The following PCDHA1 variants were observed in gnomAD, a reference collection of about 807,000 sequenced individuals.
PCDHA1 encodes the protein protocadherin alpha-1.
In PCDHA1, 42 loss-of-function variants were observed where a neutral mutation model predicts 61.3. The observed-to-expected ratio is 0.69, with a 90% CI of 0.54 to 0.89. The LOEUF (loss-of-function observed/expected upper bound fraction) is 0.89, where lower values mean the gene tolerates loss of function less well. Among genes scored for constraint, PCDHA1 ranks in the 40% least tolerant of loss-of-function variants. The pLI is 0.00. For missense variants in PCDHA1, 1,256 were observed against 1,235.3 expected (o/e 1.02, Z -0.25); for synonymous variants, 610 against 553.8 (o/e 1.10, Z -1.43).
chr5:140,818,382 A>T (rs1393215714), intron 1 of PCDHA1, among the ~76,000 whole-genome samples: 1 of 152,174 alleles, frequency 6.6e-6, no homozygotes, highest in Non-Finnish European at 1.5e-5. Flanking sequence ...GAATCGTGGC[A>T]TTTTTCCATT....
At chr5:140,828,935 A>G in intron 1 of PCDHA1, 1 of 1,614,238 alleles carries the variant, frequency 6.2e-7, no homozygotes, top group Non-Finnish European at 8.5e-7. Flanking sequence ...ATATTCTTTT[A>G]ATAGCCTTGT....
chr5:140,856,238 C>T lies in PCDHA1; in HGVS notation c.2394+67554C>T, dbSNP rs1250461159. On this transcript the variant is annotated intron_variant, in intron 1 of 3. Transcript: ENST00000504120. ...GGCGGAGCTGGTGCAGCGCCTGTTC[C>T]GGGTGGCGTCCAAAAGACACGGGGA... The T allele has an allele frequency of 5.6e-6, 9 of 1,597,934 alleles. 1 individual carries two copies. Among genetic ancestry groups the T allele is most frequent in the Non-Finnish European group, 7.7e-6 (9 of 1,167,850 alleles).
At chr5:140,883,744 C>T (rs782708384) in intron 1 of PCDHA1, 1 of 1,613,374 alleles carries the variant, frequency 6.2e-7, no homozygotes, top group South Asian at 1.1e-5. Flanking sequence ...TGGTCTCCTA[C>T]TCGCTGGTGG....
At chr5:140,843,915 T>C in intron 1 of PCDHA1, 1 of 619,744 alleles carries the variant, frequency 1.6e-6, no homozygotes, top group East Asian at 2.9e-5. Flanking sequence ...GTTGGGTCTA[T>C]CTTGAAACTC....
intron 1 of PCDHA1, among the ~76,000 whole-genome samples, chr5:140,903,075 C>T (rs2069986128): frequency 6.6e-6 from 1 of 152,114 alleles, no homozygotes; most frequent in Non-Finnish European, 1.5e-5. Flanking sequence ...TGGGTAGATA[C>T]CTGATAGTGG....
At chr5:140,877,149 C>T in intron 1 of PCDHA1, 5 of 1,613,766 alleles carry the variant, frequency 3.1e-6, no homozygotes, top group Non-Finnish European at 4.2e-6. Flanking sequence ...TGGACGAGAA[C>T]GACAACGCGC....
chr5:140,987,904 G>A (rs115515462), intron 3 of PCDHA1, among the ~76,000 whole-genome samples: 1 of 151,734 alleles, frequency 6.6e-6, no homozygotes, highest in African/African-American at 2.4e-5. Context: ...TTTTATATGG[G>A]GATTTATATT....
chr5:140,802,825 C>G (rs374629500), intron 1 of PCDHA1: 13 of 1,613,472 alleles, frequency 8.1e-6, no homozygotes, highest in South Asian at 2.2e-5. Flanking sequence ...GCGGGCGTGC[C>G]GCCTCTGGGC....
At chr5:140,955,469 T>C (rs1324804121) in intron 1 of PCDHA1, among the ~76,000 whole-genome samples, 11 of 152,208 alleles carry the variant, frequency 7.2e-5, no homozygotes, top group Middle Eastern at 3.4e-3. Flanking sequence ...CCTTTTTGCT[T>C]GGCACCTCTC....
intron 1 of PCDHA1, chr5:140,927,771 G>C: frequency 6.2e-7 from 1 of 1,614,210 alleles, no homozygotes; most frequent in Non-Finnish European, 8.5e-7. Flanking sequence ...GTGGGGAGGT[G>C]CAAGTAGCTG....
chr5:140,789,171 TG>T (rs1276587734), intron 1 of PCDHA1, among the ~76,000 whole-genome samples: 1 of 152,216 alleles, frequency 6.6e-6, no homozygotes, highest in African/African-American at 2.4e-5. Flanking sequence ...ATTTATTGGC[TG>T]GGGGCGGTGG....
intron 1 of PCDHA1, chr5:140,870,180 A>G: frequency 1.2e-6 from 2 of 1,614,112 alleles, no homozygotes; most frequent in Non-Finnish European, 8.5e-7. Context: ...TCCCAGTACG[A>G]GAGGACGCTC....
chr5:140,843,792 GT>G, intron 1 of PCDHA1: 1 of 1,356,394 alleles, frequency 7.4e-7, no homozygotes, highest in South Asian at 1.4e-5. Flanking sequence ...TTCAGATTTA[GT>G]TTTTCACCGT....
chr5:140,795,889 G>A (rs781846968), intron 1 of PCDHA1: 4 of 1,614,010 alleles, frequency 2.5e-6, no homozygotes, highest in East Asian at 4.5e-5. Context: ...GGGAAAATTA[G>A]ATTATGAAGA....
intron 1 of PCDHA1, among the ~76,000 whole-genome samples, chr5:140,941,877 A>T (rs1554214743): frequency 1.3e-5 from 2 of 152,224 alleles, no homozygotes; most frequent in Non-Finnish European, 2.9e-5. Flanking sequence ...TTCTATCACC[A>T]GTGACTAGCA....
At position 140,786,331 on chromosome 5, in the gene PCDHA1, T is replaced by C. The variant is rs782760903; in HGVS notation, c.41T>C (p.Leu14Pro). ...AGAGGGGGCCTGGGAGCCCGGGATC[T>C]GCTTCTTTGGCTTCTGCTCCTCGCA... Reference protein sequence around the residue: ...SRRGGLGARDLLLWLLLLAAW... With the variant: ...SRRGGLGARDPLLWLLLLAAW... Residue 14 changes from leucine to proline, a missense_variant, in exon 1 of 4, where the codon CTG (leucine) becomes CCG (proline). Leu to Pro is a moderately conservative substitution (Grantham distance 98). Coordinates refer to ENST00000504120, the MANE Select transcript of PCDHA1 (RefSeq NM_018900.4). The C allele has an allele frequency of 2.5e-6, 4 of 1,613,158 alleles. No individual in the cohort carries two copies. Among genetic ancestry groups the C allele is most frequent in the Non-Finnish European group, 3.4e-6 (4 of 1,179,564 alleles).
intron 1 of PCDHA1, chr5:140,828,447 T>G: frequency 6.2e-7 from 1 of 1,614,248 alleles, no homozygotes; most frequent in Non-Finnish European, 8.5e-7. Context: ...GTTTTCCATG[T>G]GGACGTGGAG....
intron 1 of PCDHA1, chr5:140,807,902 GC>G (rs868922197): frequency 1.9e-6 from 3 of 1,614,116 alleles, no homozygotes; most frequent in Non-Finnish European, 2.5e-6. Context: ...CAATGACAAT[GC>G]CCCAGCTTTT....
chr5:140,941,191 T>TTTCTTTCTTTCTTTCTTTCTTTC (rs1487503403), intron 1 of PCDHA1, among the ~76,000 whole-genome samples: 1 of 93,206 alleles, frequency 1.1e-5, no homozygotes, highest in South Asian at 2.8e-4. Flanking sequence ...GCTTCTTTTT[T>TTTCTTTCTTTCTTTCTTTCTTTC]TTTCTTTCTT....
Sources: allele counts gnomAD v4.1 joint callset (sites outside exome capture counted in the v4.1 genomes callset), GRCh38; gene constraint gnomAD v4.1.1; transcripts MANE v1.5; gene names NCBI Gene and HGNC (gene_info 2026-07-23, HGNC 2026-07-21).